PIWIL4: variants seen among roughly 807,000 people sequenced by gnomAD.
The protein encoded by PIWIL4 is piwi-like protein 4.
PIWIL4 carries 50 observed loss-of-function variants against 100.9 expected under a neutral mutation model. The ratio of observed to expected loss-of-function variants is 0.50; its 90% CI spans 0.39 to 0.63. The LOEUF (loss-of-function observed/expected upper bound fraction) is 0.63. Ranked by LOEUF, PIWIL4 falls within the 20% of genes least tolerant of loss-of-function variation. The probability of loss-of-function intolerance (pLI) is 0.00; values close to 1 mark genes in which losing one functional copy is unlikely to be tolerated. For missense variants in PIWIL4, 887 were observed against 1,043.3 expected (o/e 0.85, Z 2.06); for synonymous variants, 342 against 367.5 (o/e 0.93, Z 0.79).
chr11:94,597,711 G>A, intron 10 of PIWIL4, 93 bp from the exon 11 acceptor site: 1 of 822,256 alleles, frequency 1.2e-6, no homozygotes, highest in South Asian at 1.7e-5. Flanking sequence ...TTAGAAGCCA[G>A]GAATCCTGAA....
At chr11:94,600,212 C>T (rs1317777533) in intron 11 of PIWIL4, among the ~76,000 whole-genome samples, 2 of 152,120 alleles carry the variant, frequency 1.3e-5, no homozygotes, top group Admixed American at 6.5e-5. Context: ...TCCATCCTGG[C>T]TTCATCTTTG....
chr11:94,598,166 CA>C (rs1255839531), intron 11 of PIWIL4, among the ~76,000 whole-genome samples: 1 of 152,128 alleles, frequency 6.6e-6, no homozygotes, highest in African/African-American at 2.4e-5. Context: ...GCAATTAAAA[CA>C]TACCTATCTT....
At chr11:94,583,661 G>A in intron 5 of PIWIL4, 92 bp downstream of exon 5, 1 of 1,539,860 alleles carries the variant, frequency 6.5e-7, no homozygotes, top group Non-Finnish European at 8.9e-7. Context: ...TTTGTAGGCA[G>A]TGTGCCAGCA....
chr11:94,574,258 T>C (rs1375769752), intron 2 of PIWIL4, among the ~76,000 whole-genome samples: 2 of 152,224 alleles, frequency 1.3e-5, no homozygotes, highest in Non-Finnish European at 2.9e-5. Flanking sequence ...GAATAAAAAC[T>C]GATGGCAATG....
Position 94,607,423 on chromosome 11 carries a change from C to T in PIWIL4, c.1639-16C>T. On this transcript the variant is annotated splice_polypyrimidine_tract_variant and intron_variant, in intron 13 of 19. Transcript: ENST00000299001. ...GTAAATTAACTTCCAAAATCTTTTGCTGTTTTTGCTTTTAGGTAATGTGCA... is the reference window on the plus strand; with the variant it reads ...GTAAATTAACTTCCAAAATCTTTTGTTGTTTTTGCTTTTAGGTAATGTGCA... 6.2e-7 allele frequency: 1 copy of T among 1,604,550 alleles called. No individual in the cohort carries two copies. The highest frequency in any genetic ancestry group is 8.5e-7 in the Non-Finnish European group (1 of 1,173,098).
At position 94,585,472 on chromosome 11, in the gene PIWIL4, A is replaced by C. The variant is rs774856216; in HGVS notation, c.663A>C (p.Gln221His). 6.2e-7 allele frequency: 1 copy of C among 1,610,448 alleles called. No individual in the cohort carries two copies. The highest frequency in any genetic ancestry group is 1.3e-5 in the African/African-American group (1 of 74,754). Residue 221 changes from glutamine (Q) to histidine (H), a missense_variant, in exon 6 of 20, where the codon CAA becomes CAC. Around this residue, in one of 2 missense-constraint regions of PIWIL4, gnomAD observed 741 missense variants for 930.0 expected, o/e 0.80. Coordinates refer to ENST00000299001, the MANE Select transcript of PIWIL4 (RefSeq NM_152431.3). Reference sequence around the variant, plus strand: ...TCCTCAAAAAGTTGTCCATGTACCAAATTGGACGGAACTTCTATAATCCTT... The same window carrying C: ...TCCTCAAAAAGTTGTCCATGTACCACATTGGACGGAACTTCTATAATCCTT... The part of the protein sequence containing the change: ...RKILKKLSMY[Q>H]IGRNFYNPSE...
intron 11 of PIWIL4, among the ~76,000 whole-genome samples, chr11:94,601,010 C>T (rs1948630561): frequency 6.6e-6 from 1 of 151,258 alleles, no homozygotes; most frequent in African/African-American, 2.4e-5. Flanking sequence ...TTCAAACACA[C>T]ATCCTCTACA....
rs2135256911 is a variant in PIWIL4 at position 94,585,499 on chromosome 11, A to C, written c.690A>C (p.Ser230=). ...TTGGACGGAACTTCTATAATCCTTC[A>C]GAGCCAATGGAAATTCCCCAGCACA... is the stretch of plus-strand genomic sequence containing the variant. ...YQIGRNFYNP[S]EPMEIPQHKL... is the part of the protein sequence containing the mutation. Residue 230 remains serine (S), a synonymous_variant, in exon 6 of 20, where the codon TCA becomes TCC. Transcript: ENST00000299001. 1 of 1,610,472 alleles carries C rather than the reference A, an allele frequency of 6.2e-7. No individual in the cohort carries two copies. The highest frequency in any genetic ancestry group is 2.2e-5 in the East Asian group (1 of 44,790).
At chr11:94,613,654 T>C (rs922918299) in intron 15 of PIWIL4, among the ~76,000 whole-genome samples, 1 of 152,234 alleles carries the variant, frequency 6.6e-6, no homozygotes, top group African/African-American at 2.4e-5. Context: ...TTTTTCTCCT[T>C]TGTGTATTTT....
chr11:94,576,501 C>T (rs1446548040), intron 3 of PIWIL4, among the ~76,000 whole-genome samples: 2 of 152,140 alleles, frequency 1.3e-5, no homozygotes, highest in Admixed American at 6.6e-5. Context: ...AGAAGAACCT[C>T]CTTTGTACCC....
At chr11:94,577,606 T>C (rs772115967) in intron 4 of PIWIL4, 114 bp downstream of exon 4, 3 of 893,808 alleles carry the variant, frequency 3.4e-6, no homozygotes, top group Non-Finnish European at 4.8e-6. Flanking sequence ...TGTGGAAAAA[T>C]AGAATTAAAA....
chr11:94,603,987 A>G lies in PIWIL4; in HGVS notation c.1569A>G (p.Ile523Met). The G allele has an allele frequency of 6.3e-7, 1 of 1,598,400 alleles. No homozygotes were observed. The highest frequency in any genetic ancestry group is 8.6e-7 in the Non-Finnish European group (1 of 1,169,090). The change falls in exon 13 of 20, where the codon ATA (isoleucine) becomes ATG (methionine). Residue 523 changes from isoleucine (I) to methionine (M), a missense_variant. This residue lies in a region of PIWIL4 where 741 missense variants were observed against 930.0 expected (regional missense o/e 0.80). Transcript: ENST00000299001. The part of the protein sequence containing the change: ...MGFNVDYPKI[I>M]KVQENPAAFV... ...CAAAATTAATCTTTTTATGTAGCAT[A>G]AAAGTACAAGAAAATCCAGCTGCAT... is the stretch of plus-strand genomic sequence containing the variant.
intron 7 of PIWIL4, among the ~76,000 whole-genome samples, chr11:94,588,827 G>C (rs1000308929): frequency 1.3e-5 from 2 of 152,200 alleles, no homozygotes; most frequent in Non-Finnish European, 2.9e-5. Flanking sequence ...ATTTAAGAAT[G>C]ATTTACCTGA....
chr11:94,577,892 T>C (rs536149957), intron 4 of PIWIL4, among the ~76,000 whole-genome samples: 1 of 152,336 alleles, frequency 6.6e-6, no homozygotes, highest in South Asian at 2.1e-4. Context: ...ATTGAAACTT[T>C]TGCAAACTTA....
chr11:94,614,783 A>G (rs1224745232), intron 15 of PIWIL4, among the ~76,000 whole-genome samples: 1 of 152,062 alleles, frequency 6.6e-6, no homozygotes, highest in African/African-American at 2.4e-5. Flanking sequence ...TGCCCACTCC[A>G]CACTTCTGGT....
intron 2 of PIWIL4, among the ~76,000 whole-genome samples, chr11:94,572,988 T>A (rs1344277897): frequency 6.6e-6 from 1 of 152,236 alleles, no homozygotes; most frequent in African/African-American, 2.4e-5. Flanking sequence ...GTAGTTCTCC[T>A]TGAAGAGGTC....
In PIWIL4 at chr11:94,608,684, C is replaced by G. The variant is rs1296126307; in HGVS notation, c.1941C>G (p.Thr647=). 1.2e-6 allele frequency: 2 copies of G among 1,613,006 alleles called. No individual in the cohort carries two copies. The highest frequency in any genetic ancestry group is 4.5e-5 in the East Asian group (2 of 44,886). The change falls in exon 15 of 20, where the codon ACC becomes ACG. Residue 647 remains threonine, a splice_region_variant and synonymous_variant. Transcript: ENST00000299001. ...TGGCCAGTGTTAACCCCAGAATCAC[C>G]AGGTACTGCTAAAACTACCTGAACA... ...GCVASVNPRI[T]RWFSRCILQR... is the part of the protein sequence containing the mutation.
In PIWIL4 at chr11:94,618,030, T is replaced by A. The variant is rs765669841; in HGVS notation, c.2091T>A (p.Asp697Glu). 1 of 1,609,264 alleles carries A rather than the reference T, an allele frequency of 6.2e-7. No individual in the cohort carries two copies. The highest frequency in any genetic ancestry group is 1.7e-5 in the Admixed American group (1 of 59,578). The change falls in exon 17 of 20, where the codon GAT becomes GAA. Residue 697 changes from aspartate to glutamate, a missense_variant. By Grantham distance (45) the Asp-to-Glu change is conservative (BLOSUM62 2). Coordinates refer to ENST00000299001, the MANE Select transcript of PIWIL4 (RefSeq NM_152431.3). ...RIIVYRAGVG[D>E]GQLKTLIEYE... ...TTGTGTACCGTGCTGGTGTAGGGGATGGTCAGCTGAAAACACTTATTGAAT... is the reference window on the plus strand; with the variant it reads ...TTGTGTACCGTGCTGGTGTAGGGGAAGGTCAGCTGAAAACACTTATTGAAT...
rs762486120 is a variant in PIWIL4, at chr11:94,620,090, C to T, written c.2388C>T (p.Pro796=). 2.5e-5 allele frequency: 41 copies of T among 1,613,302 alleles called. No homozygotes were observed. In the East Asian group the frequency reaches 6.9e-4, roughly 27 times the overall value. Residue 796 remains proline, a synonymous_variant, in exon 19 of 20, where the codon CCC becomes CCT. Coordinates refer to ENST00000299001, the MANE Select transcript of PIWIL4 (RefSeq NM_152431.3). ...TCTATGATGACAACGGCTTGAAGCCCGACCATATGCAGAGACTTACATTCA... is the reference window on the plus strand; with the variant it reads ...TCTATGATGACAACGGCTTGAAGCCTGACCATATGCAGAGACTTACATTCA... ...NVIYDDNGLK[P]DHMQRLTFKL...
Sources: allele counts gnomAD v4.1 joint callset (sites outside exome capture counted in the v4.1 genomes callset), GRCh38; gene constraint gnomAD v4.1.1; regional missense constraint gnomAD v4.1.1; transcripts MANE v1.5; gene names NCBI Gene and HGNC (gene_info 2026-07-23, HGNC 2026-07-21).